CFDP1: variants seen among roughly 807,000 people sequenced by gnomAD.
CFDP1 encodes the protein heterochromatin-stabilizing protein CFDP1.
A neutral mutation model predicts 40.1 loss-of-function variants in CFDP1; 31 were observed. That is an observed-to-expected ratio of 0.77 (90% CI 0.58 to 1.04). The LOEUF (loss-of-function observed/expected upper bound fraction) is 1.04. Among genes scored for constraint, CFDP1 ranks in the 50% least tolerant of loss-of-function variants. CFDP1 has a pLI of 0.00. For synonymous variants in CFDP1, 167 were observed against 120.0 expected (o/e 1.39, Z -2.56); for missense variants, 423 against 343.4 (o/e 1.23, Z -1.83).
chr16:75,412,435 T>G (rs144346572), intron 3 of CFDP1, 100 bp downstream of exon 3: 127 of 884,108 alleles, frequency 1.4e-4, no homozygotes, highest in Non-Finnish European at 2.2e-4. Flanking sequence ...CTTAGTACAA[T>G]TGTTATCAAA....
At chr16:75,363,715 CA>C (rs1444797613) in intron 5 of CFDP1, among the ~76,000 whole-genome samples, 2 of 151,734 alleles carry the variant, frequency 1.3e-5, no homozygotes, top group Admixed American at 1.3e-4. Flanking sequence ...TTTATCTATG[CA>C]AAAAAAGGTG....
chr16:75,379,801 T>A (rs1459654931), intron 5 of CFDP1: 1 of 152,162 alleles, frequency 6.6e-6, no homozygotes, highest in Non-Finnish European at 1.5e-5. Flanking sequence ...CACATGAGTA[T>A]ACAACCTCTT....
intron 5 of CFDP1, among the ~76,000 whole-genome samples, chr16:75,332,572 T>A (rs1039574687): frequency 2.0e-5 from 3 of 151,810 alleles, no homozygotes; most frequent in African/African-American, 7.3e-5. Context: ...GAGGCTGAAG[T>A]GGGAGTATCC....
intron 2 of CFDP1, among the ~76,000 whole-genome samples, chr16:75,414,202 T>A (rs1232124804): frequency 6.6e-6 from 1 of 151,892 alleles, no homozygotes; most frequent in Non-Finnish European, 1.5e-5. Context: ...CTATTTATAT[T>A]TTTTTTCTAA....
At chr16:75,375,636 A>G (rs1184975885) in intron 5 of CFDP1, among the ~76,000 whole-genome samples, 1 of 152,104 alleles carries the variant, frequency 6.6e-6, no homozygotes, top group Non-Finnish European at 1.5e-5. Flanking sequence ...CACAAAAAAT[A>G]CAAAAATTAG....
chr16:75,361,395 T>A lies in CFDP1; in HGVS notation c.650+33695A>T, dbSNP rs548516737. 2.6e-5 allele frequency among the ~76,000 whole-genome samples: 4 copies of A among 152,222 alleles called. No homozygotes were observed. In the South Asian group the frequency reaches 8.3e-4, roughly 32 times the overall value. On this transcript the variant is annotated intron_variant, in intron 5 of 6. Transcript: ENST00000283882. ...ACTCTGGGAGGCCGAGGCAGGTGGA[T>A]CACTTGAAGTCAGGAGTTCAAGACC... is the stretch of plus-strand genomic sequence containing the variant.
At chr16:75,379,502 C>T (rs535065610) in intron 5 of CFDP1, among the ~76,000 whole-genome samples, 1 of 152,220 alleles carries the variant, frequency 6.6e-6, no homozygotes, top group South Asian at 2.1e-4. Flanking sequence ...CCACAAGACA[C>T]TCAATATGAA....
At chr16:75,333,769 T>C (rs1031829574) in intron 5 of CFDP1, among the ~76,000 whole-genome samples, 4 of 152,040 alleles carry the variant, frequency 2.6e-5, no homozygotes, top group Admixed American at 6.5e-5. Flanking sequence ...AACCAGAAAG[T>C]TGTTACTGTT....
At chr16:75,413,416 C>T (rs531694709) in intron 2 of CFDP1, among the ~76,000 whole-genome samples, 13 of 152,042 alleles carry the variant, frequency 8.6e-5, no homozygotes, top group Non-Finnish European at 1.3e-4. Flanking sequence ...GAAAATTAGC[C>T]GGGCATGTTG....
intron 4 of CFDP1, among the ~76,000 whole-genome samples, chr16:75,400,777 T>A (rs1207795421): frequency 1.3e-5 from 2 of 152,214 alleles, no homozygotes; most frequent in Admixed American, 1.3e-4. Context: ...ACGAAACTCA[T>A]ATTGGACTTT....
In CFDP1 at chr16:75,342,284, T is replaced by C. The variant is rs560279871; in HGVS notation, c.651-37102A>G. Among the ~76,000 whole-genome samples the C allele has an allele frequency of 1.2e-4, 19 of 152,318 alleles. 1 individual carries two copies. The highest frequency in any genetic ancestry group is 6.8e-3 in the Middle Eastern group (2 of 294). On this transcript the variant is annotated intron_variant, in intron 5 of 6. Transcript: ENST00000283882. ...GTCTGGGATGTATTGTTTTAAAAAA[T>C]TGCTACTTGCTACAGTCACAAATCC... is the stretch of plus-strand genomic sequence containing the variant.
intron 4 of CFDP1, among the ~76,000 whole-genome samples, chr16:75,400,878 C>G (rs2079046062): frequency 6.6e-6 from 1 of 152,146 alleles, no homozygotes; most frequent in Non-Finnish European, 1.5e-5. Context: ...CATATCAATT[C>G]TACTAATATG....
At chr16:75,432,560 G>T (rs1322457753) in intron 1 of CFDP1, among the ~76,000 whole-genome samples, 1 of 151,832 alleles carries the variant, frequency 6.6e-6, no homozygotes, top group Non-Finnish European at 1.5e-5. Flanking sequence ...AAATAAAACA[G>T]AACAGAACAA....
At chr16:75,295,607 C>G (rs961690408) in intron 6 of CFDP1, among the ~76,000 whole-genome samples, 3 of 152,206 alleles carry the variant, frequency 2.0e-5, no homozygotes, top group African/African-American at 7.2e-5. Flanking sequence ...GGAACCAAAA[C>G]ACCTGGTCTG....
intron 5 of CFDP1, among the ~76,000 whole-genome samples, chr16:75,364,662 CACA>C (rs1372546127): frequency 2.0e-5 from 3 of 152,172 alleles, no homozygotes; most frequent in African/African-American, 4.8e-5. Flanking sequence ...CCACTCTTCT[CACA>C]ACATTTTTTT....
intron 5 of CFDP1, among the ~76,000 whole-genome samples, chr16:75,370,363 G>C (rs931714594): frequency 6.6e-6 from 1 of 152,004 alleles, no homozygotes; most frequent in Admixed American, 6.6e-5. Flanking sequence ...AAAGTGCTGG[G>C]ATTACCAACG....
chr16:75,392,967 T>C (rs771535284), intron 5 of CFDP1, among the ~76,000 whole-genome samples: 2 of 152,124 alleles, frequency 1.3e-5, no homozygotes, highest in African/African-American at 4.8e-5. Context: ...ATATCTTGAG[T>C]ATGAAGTAGA....
At chr16:75,407,225 T>C (rs1471719251) in intron 4 of CFDP1, among the ~76,000 whole-genome samples, 1 of 152,040 alleles carries the variant, frequency 6.6e-6, no homozygotes, top group Admixed American at 6.6e-5. Context: ...AAACAAAAAA[T>C]AATCCTAGTA....
intron 2 of CFDP1, 51 bp from the exon 3 acceptor site, chr16:75,412,805 A>G: frequency 7.0e-7 from 1 of 1,425,278 alleles, no homozygotes; most frequent in South Asian, 1.2e-5. Context: ...AAACGATTTC[A>G]GTTATCCCTC....
Sources: gnomAD v4.1 joint callset for allele counts (sites outside exome capture counted in the v4.1 genomes callset) on GRCh38, gnomAD v4.1.1 for gene constraint, MANE v1.5 for transcripts, NCBI Gene and HGNC (gene_info 2026-07-23, HGNC 2026-07-21) for gene names.